Variants in BMPR1B observed in about 807,000 individuals in gnomAD.
The protein encoded by BMPR1B is bone morphogenetic protein receptor type 1B.
In BMPR1B, 12 loss-of-function variants were observed where a neutral mutation model predicts 59.1. The observed-to-expected ratio is 0.20, with a 90% CI of 0.13 to 0.33. The LOEUF (loss-of-function observed/expected upper bound fraction) is 0.33, where lower values mean the gene tolerates loss of function less well. Among genes scored for constraint, BMPR1B ranks in the 10% least tolerant of loss-of-function variants. The pLI is 1.00. For synonymous variants in BMPR1B, 237 were observed against 207.3 expected (o/e 1.14, Z -1.23); for missense variants, 550 against 610.9 (o/e 0.90, Z 1.05).
intron 3 of BMPR1B, among the ~76,000 whole-genome samples, chr4:95,039,417 T>A (rs1224253357): frequency 2.8e-5 from 3 of 106,222 alleles, no homozygotes; most frequent in African/African-American, 3.9e-5. Context: ...TCATTTTACT[T>A]CTTCTTTTTT....
chr4:95,026,146 C>CTTTCTTTCTTTG, intron 3 of BMPR1B, among the ~76,000 whole-genome samples: 1 of 148,014 alleles, frequency 6.8e-6, no homozygotes, highest in East Asian at 2.0e-4. Flanking sequence ...TTCTTTCTTT[C>CTTTCTTTCTTTG]TTTCTTTCTT....
At chr4:95,105,116 A>C (rs1731107849) in intron 4 of BMPR1B, among the ~76,000 whole-genome samples, 1 of 152,128 alleles carries the variant, frequency 6.6e-6, no homozygotes, top group African/African-American at 2.4e-5. Flanking sequence ...GTTCTTATAG[A>C]TACTTTATAA....
At chr4:95,117,285 AG>A (rs1382111478) in intron 6 of BMPR1B, among the ~76,000 whole-genome samples, 1 of 152,238 alleles carries the variant, frequency 6.6e-6, no homozygotes, top group Admixed American at 6.5e-5. Context: ...TGAAGTACAT[AG>A]AATTGTTCTT....
intron 3 of BMPR1B, among the ~76,000 whole-genome samples, chr4:95,074,161 A>G (rs746083227): frequency 2.0e-5 from 3 of 152,116 alleles, no homozygotes; most frequent in Non-Finnish European, 4.4e-5. Flanking sequence ...TGGAAATCCA[A>G]AAGTGGCTTT....
intron 3 of BMPR1B, among the ~76,000 whole-genome samples, chr4:95,040,013 A>G (rs961236091): frequency 6.6e-6 from 1 of 152,172 alleles, no homozygotes; most frequent in African/African-American, 2.4e-5. Flanking sequence ...TTCCTCTAGC[A>G]TTAATTTTTG....
rs372418489 is a variant in BMPR1B, at chr4:94,954,075, C to T, written c.-112-41965C>T. Among the ~76,000 whole-genome samples the T allele has an allele frequency of 4.9e-4, 75 of 152,106 alleles. 1 individual carries two copies. Among genetic ancestry groups the T allele is most frequent in the African/African-American group, 1.8e-3 (73 of 41,470 alleles). On this transcript the variant is annotated intron_variant, in intron 2 of 12. Coordinates refer to ENST00000515059, the MANE Select transcript of BMPR1B (RefSeq NM_001203.3). ...ATTTGGCTATTGATACTTGTGTATG[C>T]TTCACAAAGTTCTTGTGCTATGTTT...
At chr4:95,129,786 C>T (rs549374876) in intron 8 of BMPR1B, 76 bp from the exon 9 acceptor site, 1 of 1,459,972 alleles carries the variant, frequency 6.8e-7, no homozygotes, top group Non-Finnish European at 9.5e-7. Flanking sequence ...GTAATCGTTT[C>T]TTCTCTGGAG....
intron 2 of BMPR1B, among the ~76,000 whole-genome samples, chr4:94,980,765 T>C (rs1350272843): frequency 6.6e-6 from 1 of 152,164 alleles, no homozygotes; most frequent in Non-Finnish European, 1.5e-5. Flanking sequence ...TACAAATCAT[T>C]GTCAAATCAA....
At chr4:94,823,838 C>G (rs1724292053) in intron 1 of BMPR1B, among the ~76,000 whole-genome samples, 2 of 152,036 alleles carry the variant, frequency 1.3e-5, no homozygotes, top group Non-Finnish European at 2.9e-5. Context: ...AGCTCCGTCT[C>G]CTTGGTTCAC....
intron 3 of BMPR1B, among the ~76,000 whole-genome samples, chr4:95,098,452 A>G (rs559708456): frequency 1.3e-5 from 2 of 152,244 alleles, no homozygotes; most frequent in African/African-American, 4.8e-5. Flanking sequence ...ACCTTTGCAT[A>G]ATTATAAAGT....
intron 2 of BMPR1B, among the ~76,000 whole-genome samples, chr4:94,965,578 A>G (rs979633130): frequency 6.6e-6 from 1 of 152,206 alleles, no homozygotes; most frequent in East Asian, 1.9e-4. Context: ...TGCTTTGTCT[A>G]CAAATTTATT....
intron 10 of BMPR1B, among the ~76,000 whole-genome samples, chr4:95,132,041 C>T (rs1733396971): frequency 6.6e-6 from 1 of 152,126 alleles, no homozygotes; most frequent in Admixed American, 6.5e-5. Flanking sequence ...TTTTCAGACC[C>T]TTAGGGCTGC....
chr4:95,029,113 A>G (rs532945548), intron 3 of BMPR1B, among the ~76,000 whole-genome samples: 39 of 151,574 alleles, frequency 2.6e-4, no homozygotes, highest in Non-Finnish European at 4.9e-4. Flanking sequence ...TATTGTTACT[A>G]TACTTTAAGT....
intron 3 of BMPR1B, among the ~76,000 whole-genome samples, chr4:94,998,100 G>A (rs1404302055): frequency 6.6e-6 from 1 of 152,124 alleles, no homozygotes; most frequent in African/African-American, 2.4e-5. Flanking sequence ...TATTTTGTTT[G>A]AAGACTGGTT....
At chr4:94,982,977 T>C (rs1440842175) in intron 2 of BMPR1B, among the ~76,000 whole-genome samples, 1 of 146,108 alleles carries the variant, frequency 6.8e-6, no homozygotes, top group African/African-American at 2.6e-5. Context: ...AGAGCCAGAC[T>C]CCATCTCAAA....
intron 3 of BMPR1B, among the ~76,000 whole-genome samples, chr4:95,036,944 A>G (rs920540106): frequency 2.6e-5 from 4 of 152,114 alleles, no homozygotes; most frequent in African/African-American, 9.7e-5. Flanking sequence ...GGATGCTGCC[A>G]CTAAAACTGG....
intron 1 of BMPR1B, among the ~76,000 whole-genome samples, chr4:94,796,195 C>A (rs1292669834): frequency 6.6e-6 from 1 of 152,096 alleles, no homozygotes; most frequent in Non-Finnish European, 1.5e-5. Context: ...GGACTCCTGA[C>A]CTCAAGTGAT....
intron 2 of BMPR1B, among the ~76,000 whole-genome samples, chr4:94,892,331 A>G (rs917085705): frequency 4.6e-5 from 7 of 151,906 alleles, no homozygotes; most frequent in African/African-American, 1.7e-4. Flanking sequence ...ATCTGAATCT[A>G]CCTTTTAATA....
chr4:94,905,928 T>TTG (rs1728021999), intron 2 of BMPR1B, among the ~76,000 whole-genome samples: 1 of 148,314 alleles, frequency 6.7e-6, no homozygotes, highest in African/African-American at 2.5e-5. Context: ...TTTTTTTTTT[T>TTG]GTCACGAATA....
Sources: gnomAD v4.1 joint callset for allele counts (sites outside exome capture counted in the v4.1 genomes callset) on GRCh38, gnomAD v4.1.1 for gene constraint, MANE v1.5 for transcripts, NCBI Gene and HGNC (gene_info 2026-07-23, HGNC 2026-07-21) for gene names.